Variants in ACSF2 observed in about 807,000 individuals in gnomAD.
The protein encoded by ACSF2 is acyl-CoA synthetase family member 2.
A neutral mutation model predicts 79.3 loss-of-function variants in ACSF2; 52 were observed. That is an observed-to-expected ratio of 0.66 (90% CI 0.53 to 0.83). The LOEUF is 0.83. Among genes scored for constraint, ACSF2 ranks in the 40% least tolerant of loss-of-function variants. ACSF2 has a pLI of 0.00. For synonymous variants in ACSF2, 283 were observed against 312.6 expected, an observed-to-expected ratio of 0.91 and a Z score of 1.00; for missense variants, 661 against 803.3, an observed-to-expected ratio of 0.82 and a Z score of 2.14.
chr17:50,431,067 T>C (rs1341198070), intron 1 of ACSF2, among the ~76,000 whole-genome samples: 1 of 152,230 alleles, frequency 6.6e-6, no homozygotes. Context: ...AAATAGACTC[T>C]TCCCATAATT....
At chr17:50,458,103 G>A (rs1231619305) in intron 1 of ACSF2, among the ~76,000 whole-genome samples, 1 of 152,190 alleles carries the variant, frequency 6.6e-6, no homozygotes, top group Non-Finnish European at 1.5e-5. Context: ...GACACTGGTT[G>A]AGAAGGTTCC....
chr17:50,439,359 G>A (rs1466341567), intron 1 of ACSF2, among the ~76,000 whole-genome samples: 1 of 150,968 alleles, frequency 6.6e-6, no homozygotes, highest in African/African-American at 2.4e-5. Flanking sequence ...ACAGGCATGA[G>A]CCACCGTGTC....
rs1169143574 is a variant in ACSF2, at chr17:50,426,396, G to GC, written c.128+13dup. 9.8e-6 allele frequency: 13 copies of GC among 1,329,030 alleles called. No individual in the cohort carries two copies. The highest frequency in any genetic ancestry group is 2.5e-4 in the Middle Eastern group (1 of 3,946). The allele number at this position is 1,329,030 out of a possible 1,614,324, so 82.3% of individuals were successfully genotyped here. ...AGGGTGTCCGCTTCCTCAGGTACTG[G>GC]CCCCCCGCGGGAAGAGAGGGGGCGG... is the stretch of plus-strand genomic sequence containing the variant. On this transcript the variant is annotated splice_region_variant and intron_variant, in intron 1 of 15. Transcript: ENST00000300441.
At position 50,460,717 on chromosome 17, in the gene ACSF2, G is replaced by A. The variant is rs2032279160; in HGVS notation, c.169G>A (p.Gly57Ser). The change falls in exon 2 of 16, where the codon GGC (glycine) becomes AGC (serine). Residue 57 changes from glycine to serine, a missense_variant. Gly to Ser is a moderately conservative substitution (Grantham distance 56, BLOSUM62 0). Coordinates refer to ENST00000300441, the MANE Select transcript of ACSF2 (RefSeq NM_025149.6). ...TCGCATGGTCTCCACGCCCATCGGA[G>A]GCCTCAGCTACGTTCAGGGGTGCAC... ...VDRMVSTPIG[G>S]LSYVQGCTKK... 6.2e-7 allele frequency: 1 copy of A among 1,613,240 alleles called. No individual in the cohort carries two copies. Among genetic ancestry groups the A allele is most frequent in the Non-Finnish European group, 8.5e-7 (1 of 1,179,710 alleles).
intron 10 of ACSF2, chr17:50,464,772 G>GGA (rs1555611936): frequency 3.0e-6 from 1 of 329,872 alleles, no homozygotes; most frequent in African/African-American, 2.6e-5. Flanking sequence ...ATTGACTTGG[G>GGA]GGGGGGGTCT....
intron 1 of ACSF2, chr17:50,427,082 T>A: frequency 8.1e-7 from 1 of 1,236,834 alleles, no homozygotes; most frequent in Non-Finnish European, 1.1e-6. Flanking sequence ...GCCACTCATG[T>A]TATCAGGGCT....
At chr17:50,454,686 C>T (rs944035312) in intron 1 of ACSF2, among the ~76,000 whole-genome samples, 3 of 152,168 alleles carry the variant, frequency 2.0e-5, no homozygotes, top group Admixed American at 6.5e-5. Flanking sequence ...GATCGGCTGC[C>T]GGGGAAGCTT....
intron 1 of ACSF2, among the ~76,000 whole-genome samples, chr17:50,434,440 A>G (rs543272457): frequency 6.6e-6 from 1 of 152,226 alleles, no homozygotes; most frequent in East Asian, 1.9e-4. Flanking sequence ...CAATCCCAGC[A>G]CTTTGGGAGG....
At chr17:50,441,394 C>T (rs560893045) in intron 1 of ACSF2, among the ~76,000 whole-genome samples, 4 of 152,268 alleles carry the variant, frequency 2.6e-5, no homozygotes, top group South Asian at 2.1e-4. Flanking sequence ...AGGCTGGTCT[C>T]GAACTCCTGG....
chr17:50,427,476 C>T (rs1915100117), intron 1 of ACSF2, among the ~76,000 whole-genome samples: 2 of 152,142 alleles, frequency 1.3e-5, no homozygotes, highest in East Asian at 3.9e-4. Flanking sequence ...GAGATGAGGA[C>T]AGTGGGGTCC....
At chr17:50,457,475 A>G (rs2032083369) in intron 1 of ACSF2, among the ~76,000 whole-genome samples, 1 of 152,180 alleles carries the variant, frequency 6.6e-6, no homozygotes, top group Non-Finnish European at 1.5e-5. Context: ...GGCAGATCTC[A>G]GTAGACCCTG....
In ACSF2 at chr17:50,463,320, G is replaced by A. The variant is rs374850485; in HGVS notation, c.888+69G>A. On this transcript the variant is annotated intron_variant, in intron 7 of 15. Transcript: ENST00000300441. This position sits in a 1 kb window ranked among gnomAD's most constrained non-coding sequence, Gnocchi z 4.6. ...CTCAGGCAGGGGTGGGGGGCTGGCT[G>A]GGCTCCCCTTGCCAGCTAGAGAGGA... 29 of 1,610,002 alleles carry A rather than the reference G, an allele frequency of 1.8e-5. No individual in the cohort carries two copies. The highest frequency in any genetic ancestry group is 6.7e-5 in the Admixed American group (4 of 59,820).
chr17:50,467,767 TGGCCCTAGGG>T, intron 10 of ACSF2: 1 of 369,748 alleles, frequency 2.7e-6, no homozygotes, highest in Non-Finnish European at 4.8e-6. Context: ...GCACTGGAGA[TGGCCCTAGGG>T]GGCCTTTTGT....
Position 50,472,068 on chromosome 17 carries a change from C to T in ACSF2, c.1324-360C>T, listed in dbSNP as rs531011129. ...CATGCCACCCTGTTTGGCTTATTTG[C>T]TGCTTAATGGGAAGTAAGAGGAGAC... On this transcript the variant is annotated intron_variant, in intron 11 of 15. Coordinates refer to ENST00000300441, the MANE Select transcript of ACSF2 (RefSeq NM_025149.6). The T allele has an allele frequency of 1.4e-5, 3 of 218,862 alleles. No individual in the cohort carries two copies. The East Asian group carries it at 4.5e-4, about 33-fold the overall frequency. The allele number at this position is 218,862 out of a possible 1,614,324, so 13.6% of individuals were successfully genotyped here. A position where few individuals can be genotyped will look rare whatever the true frequency, so the allele number is the denominator to read the frequency against.
Position 50,473,550 on chromosome 17 carries a change from A to AGAGTC in ACSF2, c.1476-114_1476-110dup. On this transcript the variant is annotated intron_variant, in intron 12 of 15. Coordinates refer to ENST00000300441, the MANE Select transcript of ACSF2 (RefSeq NM_025149.6). ...GTGTCTTGTTCCTGCTATGTCTCCC[A>AGAGTC]GAGTCTAGAGCAGTGGAAGACACAT... 4 of 1,426,908 alleles carry AGAGTC rather than the reference A, an allele frequency of 2.8e-6. No individual in the cohort carries two copies. In the South Asian group the frequency reaches 5.0e-5, roughly 18 times the overall value. The allele number at this position is 1,426,908 out of a possible 1,614,324, so 88.4% of individuals were successfully genotyped here.
At chr17:50,469,494 C>A (rs914937924) in intron 10 of ACSF2, among the ~76,000 whole-genome samples, 1 of 152,196 alleles carries the variant, frequency 6.6e-6, no homozygotes, top group African/African-American at 2.4e-5. Flanking sequence ...CTCGGGCGCG[C>A]CCCCACCCCT....
chr17:50,468,125 G>A (rs766560873), intron 10 of ACSF2: 2 of 1,614,148 alleles, frequency 1.2e-6, no homozygotes, highest in East Asian at 2.2e-5. Context: ...GCTTTTCAGG[G>A]GGTTGTGGGA....
intron 1 of ACSF2, among the ~76,000 whole-genome samples, chr17:50,441,284 C>T (rs139470974): frequency 2.5e-3 from 379 of 152,358 alleles, no homozygotes; most frequent in African/African-American, 8.7e-3. Context: ...GATCCTCCCA[C>T]CTCAGCCTCC....
intron 1 of ACSF2, among the ~76,000 whole-genome samples, chr17:50,457,701 A>G (rs939963232): frequency 6.6e-6 from 1 of 152,118 alleles, no homozygotes; most frequent in South Asian, 2.1e-4. Context: ...GTTTACATAC[A>G]TTTCTCTTCC....
Sources: gnomAD v4.1 joint callset for allele counts (sites outside exome capture counted in the v4.1 genomes callset) on GRCh38, gnomAD v4.1.1 for gene constraint, Gnocchi (gnomAD v3.1) non-coding constraint, MANE v1.5 for transcripts, NCBI Gene and HGNC (gene_info 2026-07-23, HGNC 2026-07-21) for gene names.